The following CSMD1 variants were observed in gnomAD, a reference collection of about 807,000 sequenced individuals.
CSMD1 encodes CUB and Sushi multiple domains 1.
Under a neutral mutation model 417.5 loss-of-function variants are expected in CSMD1, and 213 were observed. That is an observed-to-expected ratio of 0.51 (90% CI 0.46 to 0.57). The LOEUF (loss-of-function observed/expected upper bound fraction) is 0.57, where lower values mean the gene tolerates loss of function less well. Ranked by LOEUF, CSMD1 falls within the 20% of genes least tolerant of loss-of-function variation. The pLI, the probability that CSMD1 is intolerant of heterozygous loss-of-function variation, is 0.00. For missense variants in CSMD1, 6,923 were observed against 4,529.7 expected (o/e 1.53, Z -15.17); for synonymous variants, 2,862 against 1,736.8 (o/e 1.65, Z -16.11).
intron 5 of CSMD1, among the ~76,000 whole-genome samples, chr8:3,920,161 G>A (rs781762774): frequency 6.6e-6 from 1 of 151,990 alleles, no homozygotes; most frequent in Non-Finnish European, 1.5e-5. Flanking sequence ...AGTCTTCTGA[G>A]AAGCTGGGAC....
intron 3 of CSMD1, among the ~76,000 whole-genome samples, chr8:4,338,582 A>C (rs1800303961): frequency 6.6e-6 from 1 of 152,078 alleles, no homozygotes; most frequent in African/African-American, 2.4e-5. Flanking sequence ...AACACCTCTG[A>C]CATACTCATA....
At chr8:4,271,974 C>A (rs1283466852) in intron 3 of CSMD1, among the ~76,000 whole-genome samples, 1 of 152,094 alleles carries the variant, frequency 6.6e-6, no homozygotes, top group African/African-American at 2.4e-5. Flanking sequence ...TCAGCCCTCC[C>A]TATATAGATG....
At chr8:4,569,659 T>A (rs1303241183) in intron 2 of CSMD1, among the ~76,000 whole-genome samples, 1 of 152,050 alleles carries the variant, frequency 6.6e-6, no homozygotes, top group Non-Finnish European at 1.5e-5. Context: ...CCTTTAGTTT[T>A]TTTCTAATTC....
At chr8:4,463,058 G>C (rs960054424) in intron 2 of CSMD1, among the ~76,000 whole-genome samples, 2 of 152,086 alleles carry the variant, frequency 1.3e-5, no homozygotes, top group African/African-American at 2.4e-5. Context: ...TAAATAACTT[G>C]CATCTGGAAT....
At chr8:3,562,768 G>C (rs1418155331) in intron 10 of CSMD1, among the ~76,000 whole-genome samples, 1 of 152,044 alleles carries the variant, frequency 6.6e-6, no homozygotes, top group Admixed American at 6.6e-5. Context: ...GAGCCTATTG[G>C]AGGGTGGAGG....
intron 3 of CSMD1, among the ~76,000 whole-genome samples, chr8:4,201,534 T>C (rs1442721615): frequency 4.0e-4 from 28 of 70,078 alleles, no homozygotes; most frequent in Admixed American, 2.3e-3. Context: ...CCAGACTCTG[T>C]CTCCACAAAA....
chr8:4,899,267 C>G (rs962014839), intron 1 of CSMD1, among the ~76,000 whole-genome samples: 8 of 152,148 alleles, frequency 5.3e-5, no homozygotes, highest in Non-Finnish European at 1.0e-4. Flanking sequence ...TATTGCCATC[C>G]ATGCATTATA....
At chr8:3,092,547 A>G (rs1196648402) in intron 47 of CSMD1, among the ~76,000 whole-genome samples, 2 of 152,214 alleles carry the variant, frequency 1.3e-5, no homozygotes, top group Admixed American at 6.5e-5. Flanking sequence ...TTGCTTCTTT[A>G]TAAGATGAGG....
intron 53 of CSMD1, among the ~76,000 whole-genome samples, chr8:2,998,825 C>T (rs1192577514): frequency 6.6e-6 from 1 of 152,186 alleles, no homozygotes; most frequent in Non-Finnish European, 1.5e-5. Flanking sequence ...AACAGAAACA[C>T]ACTACAGTCA....
At chr8:3,150,228 T>C (rs563357064) in intron 40 of CSMD1, among the ~76,000 whole-genome samples, 1 of 152,240 alleles carries the variant, frequency 6.6e-6, no homozygotes, top group Admixed American at 6.5e-5. Flanking sequence ...GCTCCTATAA[T>C]AATCCTTCCA....
chr8:4,382,787 G>A (rs1324311890), intron 3 of CSMD1, among the ~76,000 whole-genome samples: 1 of 152,118 alleles, frequency 6.6e-6, no homozygotes, highest in African/African-American at 2.4e-5. Context: ...TAATAATGAT[G>A]GCCCCTCAGT....
At chr8:3,927,638 C>G (rs1809837516) in intron 5 of CSMD1, among the ~76,000 whole-genome samples, 1 of 152,096 alleles carries the variant, frequency 6.6e-6, no homozygotes, top group Admixed American at 6.6e-5. Context: ...GAACTCCACA[C>G]TCGGCGAAAG....
intron 1 of CSMD1, among the ~76,000 whole-genome samples, chr8:4,809,105 C>G (rs1798753415): frequency 6.6e-6 from 1 of 152,146 alleles, no homozygotes; most frequent in Admixed American, 6.5e-5. Context: ...AACAGATGGA[C>G]CTTATTACCA....
chr8:4,171,308 C>T (rs112027566), intron 3 of CSMD1, among the ~76,000 whole-genome samples: 1 of 151,902 alleles, frequency 6.6e-6, no homozygotes, highest in Non-Finnish European at 1.5e-5. Context: ...CTACGCCAGG[C>T]TGTTTTCCAG....
At chr8:4,782,123 A>G (rs1012706558) in intron 1 of CSMD1, among the ~76,000 whole-genome samples, 1 of 152,172 alleles carries the variant, frequency 6.6e-6, no homozygotes, top group Non-Finnish European at 1.5e-5. Flanking sequence ...AGTAGGGAGG[A>G]GGAAGGGGAG....
chr8:3,767,929 T>C (rs1378204935), intron 5 of CSMD1, among the ~76,000 whole-genome samples: 1 of 152,206 alleles, frequency 6.6e-6, no homozygotes, highest in African/African-American at 2.4e-5. Context: ...TTTTTTCCAC[T>C]TTACATTAAT....
intron 3 of CSMD1, among the ~76,000 whole-genome samples, chr8:4,273,979 T>C (rs1345663167): frequency 1.3e-5 from 2 of 152,298 alleles, no homozygotes; most frequent in Admixed American, 6.5e-5. Flanking sequence ...GACATTTGTA[T>C]TGCTATCAGT....
At chr8:2,986,662 G>A (rs760922366) in intron 54 of CSMD1, among the ~76,000 whole-genome samples, 27 of 151,984 alleles carry the variant, frequency 1.8e-4, no homozygotes, top group Middle Eastern at 3.4e-3. Context: ...CCACCACCAC[G>A]CCCAGCTAAT....
intron 11 of CSMD1, among the ~76,000 whole-genome samples, chr8:3,475,941 G>T (rs763967197): frequency 1.3e-5 from 2 of 152,160 alleles, no homozygotes; most frequent in Non-Finnish European, 2.9e-5. Context: ...TGATGTTTTG[G>T]TTACTTGTCA....
Sources: gnomAD v4.1 joint callset for allele counts (sites outside exome capture counted in the v4.1 genomes callset) on GRCh38, gnomAD v4.1.1 for gene constraint, MANE v1.5 for transcripts, NCBI Gene and HGNC (gene_info 2026-07-23, HGNC 2026-07-21) for gene names.